BTBD10: variants seen among roughly 807,000 people sequenced by gnomAD.
BTBD10 encodes BTB/POZ domain-containing protein 10.
Under a neutral mutation model 53.2 loss-of-function variants are expected in BTBD10, and 21 were observed. The observed-to-expected ratio is 0.39, with a 90% CI of 0.28 to 0.57. The LOEUF (loss-of-function observed/expected upper bound fraction) is 0.57. Ranked by LOEUF, BTBD10 falls within the 20% of genes least tolerant of loss-of-function variation. The probability of loss-of-function intolerance (pLI) is 0.53; values close to 1 mark genes in which losing one functional copy is unlikely to be tolerated. For synonymous variants in BTBD10, 149 were observed against 192.7 expected (o/e 0.77, Z 1.88); for missense variants, 360 against 594.7 (o/e 0.61, Z 4.10).
chr11:13,392,783 C>T (rs1342438514), intron 8 of BTBD10, among the ~76,000 whole-genome samples: 1 of 152,136 alleles, frequency 6.6e-6, no homozygotes, highest in Non-Finnish European at 1.5e-5. Context: ...CCTCGCATTT[C>T]CTATATTCTA....
At chr11:13,453,920 C>T (rs1003055632) in intron 1 of BTBD10, among the ~76,000 whole-genome samples, 4 of 152,032 alleles carry the variant, frequency 2.6e-5, no homozygotes, top group South Asian at 2.1e-4. Flanking sequence ...GGCGTGTTGG[C>T]GGGCACCTGT....
At chr11:13,411,139 T>G (rs181964792) in intron 6 of BTBD10, among the ~76,000 whole-genome samples, 1 of 152,312 alleles carries the variant, frequency 6.6e-6, no homozygotes, top group Non-Finnish European at 1.5e-5. Context: ...AATTTATTAG[T>G]TCAGCAAACA....
chr11:13,449,475 G>C (rs1169148274), intron 1 of BTBD10, among the ~76,000 whole-genome samples: 1 of 150,434 alleles, frequency 6.6e-6, no homozygotes, highest in Non-Finnish European at 1.5e-5. Context: ...CTTTTTTCAA[G>C]TCCAAAAGAG....
At chr11:13,417,095 C>G in intron 5 of BTBD10, 63 bp downstream of exon 5, 1 of 1,206,430 alleles carries the variant, frequency 8.3e-7, no homozygotes, top group South Asian at 1.5e-5. Context: ...AATTCTGCGT[C>G]TAATCCAAGT....
intron 1 of BTBD10, among the ~76,000 whole-genome samples, chr11:13,450,953 G>A (rs1950845097): frequency 6.6e-6 from 1 of 152,204 alleles, no homozygotes; most frequent in Admixed American, 6.5e-5. Context: ...CACGAGTTCA[G>A]TTTGAAGTTT....
At chr11:13,405,909 C>A (rs1949813380) in intron 6 of BTBD10, 53 bp from the exon 7 acceptor site, 6 of 1,549,768 alleles carry the variant, frequency 3.9e-6, no homozygotes, top group Admixed American at 1.7e-5. Flanking sequence ...AAAAAGAGTT[C>A]TTTTAGAAAT....
At chr11:13,416,898 T>C (rs569360319) in intron 5 of BTBD10, among the ~76,000 whole-genome samples, 19 of 152,170 alleles carry the variant, frequency 1.2e-4, no homozygotes, top group African/African-American at 1.7e-4. Flanking sequence ...GGCAGGAGGA[T>C]TGCTTGAGCC....
intron 2 of BTBD10, among the ~76,000 whole-genome samples, chr11:13,423,682 A>G (rs1427165777): frequency 1.3e-5 from 2 of 152,194 alleles, no homozygotes; most frequent in Non-Finnish European, 2.9e-5. Context: ...AAAATCTTTC[A>G]GTGTCTCCGG....
intron 2 of BTBD10, among the ~76,000 whole-genome samples, chr11:13,444,345 G>C (rs1295334286): frequency 6.6e-6 from 1 of 151,692 alleles, no homozygotes; most frequent in East Asian, 1.9e-4. Flanking sequence ...ATTGCTTTAT[G>C]AAAACATGCT....
intron 1 of BTBD10, among the ~76,000 whole-genome samples, chr11:13,446,095 T>C (rs193032294): frequency 3.2e-4 from 48 of 152,272 alleles, no homozygotes; most frequent in African/African-American, 1.0e-3. Context: ...TGTTTGGAAA[T>C]AGATGATTTG....
intron 2 of BTBD10, among the ~76,000 whole-genome samples, chr11:13,436,510 T>G (rs1246446146): frequency 6.6e-6 from 1 of 152,186 alleles, no homozygotes; most frequent in Non-Finnish European, 1.5e-5. Context: ...CTTGGGCATT[T>G]AGAACAATAC....
At chr11:13,451,414 A>T (rs948524635) in intron 1 of BTBD10, among the ~76,000 whole-genome samples, 1 of 152,122 alleles carries the variant, frequency 6.6e-6, no homozygotes, top group African/African-American at 2.4e-5. Context: ...AAGAACCCAC[A>T]GAGAGGGTGA....
chr11:13,418,819 A>T (rs1266935331), intron 4 of BTBD10, among the ~76,000 whole-genome samples: 2 of 152,126 alleles, frequency 1.3e-5, no homozygotes, highest in Non-Finnish European at 2.9e-5. Flanking sequence ...TACAGTTTGG[A>T]CATGGTGAAA....
chr11:13,455,496 C>T (rs1279892815), intron 1 of BTBD10, among the ~76,000 whole-genome samples: 2 of 152,170 alleles, frequency 1.3e-5, no homozygotes, highest in Admixed American at 6.5e-5. Context: ...AAAGTACCTA[C>T]ATTACATGAT....
chr11:13,396,808 T>C (rs1949563676), intron 8 of BTBD10, among the ~76,000 whole-genome samples: 1 of 152,236 alleles, frequency 6.6e-6, no homozygotes, highest in Non-Finnish European at 1.5e-5. Flanking sequence ...TCATGTGTTT[T>C]TTGTCTTTGG....
At position 13,453,194 on chromosome 11, in the gene BTBD10, T is replaced by C. The variant is rs144721970; in HGVS notation, c.-57-8013A>G. 3.2e-3 allele frequency among the ~76,000 whole-genome samples: 489 copies of C among 152,132 alleles called. 4 individuals are homozygous for C. Among genetic ancestry groups the C allele is most frequent in the African/African-American group, 0.011 (447 of 41,534 alleles). ...TATATAGATACAGATACAGAAAATA[T>C]TTCAAAATATATTGTTAAGCTAAAA... is the stretch of plus-strand genomic sequence containing the variant. On this transcript the variant is annotated intron_variant, in intron 1 of 8. Coordinates refer to ENST00000278174, the MANE Select transcript of BTBD10 (RefSeq NM_032320.7).
chr11:13,440,470 T>C (rs1950625100), intron 2 of BTBD10, among the ~76,000 whole-genome samples: 1 of 152,210 alleles, frequency 6.6e-6, no homozygotes, highest in African/African-American at 2.4e-5. Flanking sequence ...CTAACTTTCT[T>C]TTTCCTTTCA....
At chr11:13,457,759 AATT>A (rs1320088920) in intron 1 of BTBD10, among the ~76,000 whole-genome samples, 6 of 152,082 alleles carry the variant, frequency 3.9e-5, no homozygotes, top group Admixed American at 3.9e-4. Flanking sequence ...ACTCCAAATA[AATT>A]AATAAGGGGT....
At chr11:13,444,862 T>A (rs1439027749) in intron 2 of BTBD10, among the ~76,000 whole-genome samples, 162 bp downstream of exon 2, 3 of 152,112 alleles carry the variant, frequency 2.0e-5, no homozygotes, top group Non-Finnish European at 4.4e-5. Context: ...TAAAAAGAAA[T>A]GTTTCTCCAA....
Sources: allele counts gnomAD v4.1 joint callset (sites outside exome capture counted in the v4.1 genomes callset), GRCh38; gene constraint gnomAD v4.1.1; transcripts MANE v1.5; gene names NCBI Gene and HGNC (gene_info 2026-07-23, HGNC 2026-07-21).